Variants in ZNF407 observed in about 807,000 individuals in gnomAD.
The protein encoded by ZNF407 is zinc finger protein 407.
In ZNF407, 17 loss-of-function variants were observed where a neutral mutation model predicts 131.2. The observed-to-expected ratio is 0.13, with a 90% CI of 0.09 to 0.19. The LOEUF (loss-of-function observed/expected upper bound fraction) is 0.19. Ranked by LOEUF, ZNF407 falls within the 10% of genes least tolerant of loss-of-function variation. The pLI, the probability that ZNF407 is intolerant of heterozygous loss-of-function variation, is 1.00. For missense variants in ZNF407, 2,681 were observed against 2,830.6 expected, an observed-to-expected ratio of 0.95 and a Z score of 1.20; for synonymous variants, 1,156 against 1,062.0, an observed-to-expected ratio of 1.09 and a Z score of -1.72.
At chr18:74,938,396 A>T (rs1471713678) in intron 8 of ZNF407, among the ~76,000 whole-genome samples, 2 of 152,120 alleles carry the variant, frequency 1.3e-5, no homozygotes, top group African/African-American at 4.8e-5. Flanking sequence ...TATTAGAGTG[A>T]TCTTTCCACC....
At chr18:75,039,130 A>G (rs1368786429) in intron 8 of ZNF407, among the ~76,000 whole-genome samples, 2 of 152,260 alleles carry the variant, frequency 1.3e-5, no homozygotes, top group African/African-American at 2.4e-5. Flanking sequence ...TCTTTAGATA[A>G]CAGTTTAAAT....
intron 7 of ZNF407, among the ~76,000 whole-genome samples, chr18:74,913,134 T>G (rs965596887): frequency 6.6e-6 from 1 of 152,160 alleles, no homozygotes; most frequent in Admixed American, 6.6e-5. Flanking sequence ...TTGCTACAAT[T>G]CCTCTGAAGG....
At chr18:74,753,352 C>T (rs923556855) in intron 3 of ZNF407, among the ~76,000 whole-genome samples, 6 of 152,182 alleles carry the variant, frequency 3.9e-5, no homozygotes, top group Non-Finnish European at 8.8e-5. Flanking sequence ...TCCTTTATTT[C>T]TTTCTCCTGC....
chr18:74,901,033 G>A (rs1315917575), intron 7 of ZNF407, among the ~76,000 whole-genome samples: 1 of 152,088 alleles, frequency 6.6e-6, no homozygotes, highest in African/African-American at 2.4e-5. Flanking sequence ...GAACAGGGAA[G>A]GCAAACATAT....
chr18:74,825,864 G>T (rs1186059735), intron 4 of ZNF407, among the ~76,000 whole-genome samples: 1 of 152,140 alleles, frequency 6.6e-6, no homozygotes, highest in African/African-American at 2.4e-5. Flanking sequence ...AATGTTTAGG[G>T]TATGTGGCGT....
intron 4 of ZNF407, among the ~76,000 whole-genome samples, chr18:74,797,376 ATCTAAG>A (rs1469023437): frequency 6.6e-6 from 1 of 152,222 alleles, no homozygotes; most frequent in African/African-American, 2.4e-5. Context: ...GGCAACATAG[ATCTAAG>A]TCTATTTGTC....
intron 6 of ZNF407, among the ~76,000 whole-genome samples, chr18:74,889,031 G>A (rs1971349084): frequency 6.6e-6 from 1 of 152,106 alleles, no homozygotes; most frequent in African/African-American, 2.4e-5. Flanking sequence ...CTTTTTCTGT[G>A]TTTAGATGTG....
intron 7 of ZNF407, among the ~76,000 whole-genome samples, chr18:74,900,748 A>G (rs528536936): frequency 2.0e-5 from 3 of 152,158 alleles, no homozygotes; most frequent in Non-Finnish European, 4.4e-5. Context: ...TCCTGCACGT[A>G]TTTACAGCCG....
intron 1 of ZNF407, among the ~76,000 whole-genome samples, chr18:74,627,074 G>C (rs1323621387): frequency 6.6e-6 from 1 of 152,184 alleles, no homozygotes; most frequent in Admixed American, 6.5e-5. Flanking sequence ...GACTCACCTA[G>C]TGTGTTCATC....
At chr18:74,901,969 C>T (rs1971531734) in intron 7 of ZNF407, among the ~76,000 whole-genome samples, 1 of 151,060 alleles carries the variant, frequency 6.6e-6, no homozygotes, top group African/African-American at 2.4e-5. Context: ...GCTGTAAAAG[C>T]ACAATCAAAG....
At chr18:74,602,921 G>A (rs1253059463) in intron 1 of ZNF407, among the ~76,000 whole-genome samples, 2 of 149,856 alleles carry the variant, frequency 1.3e-5, no homozygotes, top group South Asian at 2.1e-4. Context: ...GTTGGGGGCA[G>A]GGAAAATGCC....
rs1386424273 is a variant in ZNF407, at chr18:75,063,661, C to T, written c.5940C>T (p.Val1980=). 21 of 1,606,330 alleles carry T rather than the reference C, an allele frequency of 1.3e-5. No individual in the cohort carries two copies. Among genetic ancestry groups the T allele is most frequent in the Admixed American group, 3.4e-5 (2 of 59,058 alleles). ...QEILNLSEAG[V]APPEASSALD... ...TTTTAAACCTCTCGGAGGCTGGAGT[C>T]GCTCCCCCCGAGGCATCCTCAGCCC... The change falls in exon 9 of 9, where the codon GTC becomes GTT. Residue 1980 remains valine, a synonymous_variant. Transcript: ENST00000299687. The surrounding 1 kb of genome is among the most constrained non-coding windows in gnomAD (Gnocchi z 6.6).
chr18:74,645,889 A>G (rs999352525), intron 3 of ZNF407, among the ~76,000 whole-genome samples: 1 of 152,172 alleles, frequency 6.6e-6, no homozygotes, highest in African/African-American at 2.4e-5. Context: ...ACACTTAATC[A>G]TTACGTGCAT....
chr18:74,730,333 C>A (rs1968265643), intron 3 of ZNF407, among the ~76,000 whole-genome samples: 1 of 152,148 alleles, frequency 6.6e-6, no homozygotes, highest in African/African-American at 2.4e-5. Context: ...CATTATCAGT[C>A]AAGATTAAAA....
chr18:74,861,431 A>G (rs908334089), intron 4 of ZNF407, among the ~76,000 whole-genome samples: 1 of 152,256 alleles, frequency 6.6e-6, no homozygotes, highest in Non-Finnish European at 1.5e-5. Flanking sequence ...AATGTGCTGC[A>G]GACAGAAGGC....
At chr18:74,823,139 C>A (rs182590361) in intron 4 of ZNF407, among the ~76,000 whole-genome samples, 38 of 152,198 alleles carry the variant, frequency 2.5e-4, no homozygotes, top group Admixed American at 2.0e-3. Flanking sequence ...GAAATAAAAT[C>A]CTCTACAGAC....
At chr18:74,686,059 AC>A (rs1437269788) in intron 3 of ZNF407, among the ~76,000 whole-genome samples, 3 of 152,242 alleles carry the variant, frequency 2.0e-5, no homozygotes, top group African/African-American at 7.2e-5. Flanking sequence ...CAAATGCGTT[AC>A]ATATAGGTAT....
At chr18:75,061,748 A>T (rs1365439435) in intron 8 of ZNF407, 1 of 152,538 alleles carries the variant, frequency 6.6e-6, no homozygotes, top group Non-Finnish European at 1.5e-5. Flanking sequence ...AGGGCACAAG[A>T]TGGCTCCAGA....
At chr18:74,791,095 C>G (rs539473650) in intron 4 of ZNF407, among the ~76,000 whole-genome samples, 1 of 152,090 alleles carries the variant, frequency 6.6e-6, no homozygotes, top group Non-Finnish European at 1.5e-5. Flanking sequence ...AGAAAACAAG[C>G]AGATGATTGA....
Sources: allele counts gnomAD v4.1 joint callset (sites outside exome capture counted in the v4.1 genomes callset), GRCh38; gene constraint gnomAD v4.1.1; non-coding constraint Gnocchi (gnomAD v3.1); transcripts MANE v1.5; gene names NCBI Gene and HGNC (gene_info 2026-07-23, HGNC 2026-07-21).